BCAS3: variants seen among roughly 807,000 people sequenced by gnomAD.
BCAS3 encodes the protein BCAS3 microtubule associated cell migration factor.
A neutral mutation model predicts 116.1 loss-of-function variants in BCAS3; 53 were observed. That is an observed-to-expected ratio of 0.46 (90% CI 0.37 to 0.57). BCAS3 has a LOEUF of 0.57. Ranked by LOEUF, BCAS3 falls within the 20% of genes least tolerant of loss-of-function variation. BCAS3 has a pLI of 0.00. For missense variants in BCAS3, 917 were observed against 1,165.4 expected, an observed-to-expected ratio of 0.79 and a Z score of 3.10; for synonymous variants, 391 against 408.2, an observed-to-expected ratio of 0.96 and a Z score of 0.51.
At chr17:60,954,160 T>A (rs2060998566) in intron 14 of BCAS3, among the ~76,000 whole-genome samples, 1 of 152,188 alleles carries the variant, frequency 6.6e-6, no homozygotes, top group Admixed American at 6.5e-5. Context: ...TTGTTGAAGA[T>A]CAGATGGTTG....
rs1254129412 is a variant in BCAS3, at chr17:61,098,452, A to G, written c.2425+13888A>G. ...ATCCTGATATTTTGCCAAAGTTGTG[A>G]CTTTAATATTCTGTGGCTTGTAATT... On this transcript the variant is annotated intron_variant, in intron 22 of 23. Coordinates refer to ENST00000407086, the MANE Select transcript of BCAS3 (RefSeq NM_017679.5). This position sits in a 1 kb window ranked among gnomAD's most constrained non-coding sequence, Gnocchi z 4.2. Among the ~76,000 whole-genome samples, 1 of 152,158 alleles carries G rather than the reference A, an allele frequency of 6.6e-6. No individual in the cohort carries two copies. The highest frequency in any genetic ancestry group is 1.5e-5 in the Non-Finnish European group (1 of 68,028).
chr17:60,703,512 A>G (rs561736968), intron 4 of BCAS3, among the ~76,000 whole-genome samples: 32 of 152,036 alleles, frequency 2.1e-4, no homozygotes, highest in Middle Eastern at 3.4e-3. Flanking sequence ...CAGTGAGCTG[A>G]GATAGCACAT....
chr17:61,187,138 T>C (rs2079829381), intron 22 of BCAS3, among the ~76,000 whole-genome samples: 1 of 152,214 alleles, frequency 6.6e-6, no homozygotes, highest in Non-Finnish European at 1.5e-5. Flanking sequence ...ACATGTTATT[T>C]TTATTGAGTC....
At position 61,348,192 on chromosome 17, in the gene BCAS3, C is replaced by G. The variant is rs1333505959; in HGVS notation, c.2426-20135C>G. On this transcript the variant is annotated intron_variant, in intron 22 of 23. Transcript: ENST00000407086. This position sits in a 1 kb window ranked among gnomAD's most constrained non-coding sequence, Gnocchi z 4.5. ...TGGGAAGTAAAATCCACAGGACTTACTGGTCAGCTGGATGGACGGGCGATG... is the reference window on the plus strand; with the variant it reads ...TGGGAAGTAAAATCCACAGGACTTAGTGGTCAGCTGGATGGACGGGCGATG... Among the ~76,000 whole-genome samples the G allele has an allele frequency of 2.0e-5, 3 of 152,152 alleles. No individual in the cohort carries two copies. Among genetic ancestry groups the G allele is most frequent in the Non-Finnish European group, 4.4e-5 (3 of 68,042 alleles).
chr17:61,221,080 C>A (rs190874229), intron 22 of BCAS3, among the ~76,000 whole-genome samples: 353 of 152,300 alleles, frequency 2.3e-3, no homozygotes, highest in Non-Finnish European at 3.9e-3. Flanking sequence ...AGCCTGGTGA[C>A]AGAGTGAGAC....
chr17:60,855,926 G>T (rs913014152), intron 7 of BCAS3, among the ~76,000 whole-genome samples: 12 of 152,090 alleles, frequency 7.9e-5, no homozygotes, highest in Non-Finnish European at 1.5e-4. Flanking sequence ...AAGTGATCCC[G>T]CCTGCCTTGG....
chr17:60,777,703 A>C (rs1194900575), intron 6 of BCAS3, among the ~76,000 whole-genome samples: 1 of 152,044 alleles, frequency 6.6e-6, no homozygotes, highest in Non-Finnish European at 1.5e-5. Flanking sequence ...TGTGGCATTC[A>C]CTTTTCAATC....
intron 7 of BCAS3, among the ~76,000 whole-genome samples, chr17:60,823,940 A>T (rs537434340): frequency 3.9e-5 from 6 of 152,296 alleles, no homozygotes; most frequent in African/African-American, 1.4e-4. Flanking sequence ...CTGATATTGA[A>T]TGTCCCCCTG....
chr17:61,219,446 T>C lies in BCAS3; in HGVS notation c.2425+134882T>C, dbSNP rs1209979493. On this transcript the variant is annotated intron_variant, in intron 22 of 23. Transcript: ENST00000407086. The surrounding 1 kb of genome is among the most constrained non-coding windows in gnomAD (Gnocchi z 5.2). Reference sequence around the variant, plus strand: ...TTGACTTGGTCTCTGTGTGCCCATATTACTGGTGCTGCCAGCTCAGGGAGT... The same window carrying C: ...TTGACTTGGTCTCTGTGTGCCCATACTACTGGTGCTGCCAGCTCAGGGAGT... 6.6e-6 allele frequency among the ~76,000 whole-genome samples: 1 copy of C among 152,248 alleles called. No homozygotes were observed. Among genetic ancestry groups the C allele is most frequent in the Non-Finnish European group, 1.5e-5 (1 of 68,044 alleles).
chr17:60,869,346 GC>G, intron 8 of BCAS3, among the ~76,000 whole-genome samples: 1 of 152,146 alleles, frequency 6.6e-6, no homozygotes. Context: ...GCAAACTGAA[GC>G]CCTGGGATGG....
rs942119888 is a variant in BCAS3, at chr17:60,993,105, G to C, written c.1486+2870G>C. On this transcript the variant is annotated intron_variant, in intron 15 of 23. Transcript: ENST00000407086. This position sits in a 1 kb window ranked among gnomAD's most constrained non-coding sequence, Gnocchi z 4.2. ...ACAGCAAACCACATAAGAGGTTTTT[G>C]TGTTAAGATTCAAGCATAATGTGCA... is the stretch of plus-strand genomic sequence containing the variant. Among the ~76,000 whole-genome samples, 1 of 152,102 alleles carries C rather than the reference G, an allele frequency of 6.6e-6. No individual in the cohort carries two copies. The highest frequency in any genetic ancestry group is 6.6e-5 in the Admixed American group (1 of 15,266).
chr17:61,277,410 G>A (rs530609783), intron 22 of BCAS3, among the ~76,000 whole-genome samples: 3 of 152,088 alleles, frequency 2.0e-5, no homozygotes, highest in Non-Finnish European at 4.4e-5. Flanking sequence ...GAAAACATAT[G>A]AGTAAATCTT....
In BCAS3 at chr17:61,309,135, G is replaced by A. The variant is rs1414743077; in HGVS notation, c.2426-59192G>A. Reference sequence around the variant, plus strand: ...AGTTCCCTACCTCCATGCCCGTCAAGGAGTAATACTTTTTTCAGCCTTGGG... The same window carrying A: ...AGTTCCCTACCTCCATGCCCGTCAAAGAGTAATACTTTTTTCAGCCTTGGG... On this transcript the variant is annotated intron_variant, in intron 22 of 23. Transcript: ENST00000407086. This position sits in a 1 kb window ranked among gnomAD's most constrained non-coding sequence, Gnocchi z 4.6. Among the ~76,000 whole-genome samples the A allele has an allele frequency of 7.9e-6, 1 of 125,954 alleles. No individual in the cohort carries two copies. Among genetic ancestry groups the A allele is most frequent in the Non-Finnish European group, 1.5e-5 (1 of 66,284 alleles). 82.6% of individuals were successfully genotyped at this position (125,954 alleles called of 152,430 possible).
At chr17:60,765,041 TG>T (rs1406680843) in intron 6 of BCAS3, among the ~76,000 whole-genome samples, 1 of 152,156 alleles carries the variant, frequency 6.6e-6, no homozygotes, top group African/African-American at 2.4e-5. Flanking sequence ...TCCATTTGCT[TG>T]GTAGAACTTC....
At chr17:60,691,564 C>T (rs2034828288) in intron 4 of BCAS3, among the ~76,000 whole-genome samples, 1 of 152,060 alleles carries the variant, frequency 6.6e-6, no homozygotes, top group African/African-American at 2.4e-5. Flanking sequence ...TCTTCATGTC[C>T]ATTGCCCATT....
At chr17:60,726,563 G>A (rs1479666844) in intron 5 of BCAS3, among the ~76,000 whole-genome samples, 1 of 149,700 alleles carries the variant, frequency 6.7e-6, no homozygotes. Flanking sequence ...AGGCTGGAGT[G>A]CAATGGTGCG....
At position 61,380,178 on chromosome 17, in the gene BCAS3, G is replaced by A. The variant is rs745582464; in HGVS notation, c.2593+11684G>A. Reference sequence around the variant, plus strand: ...CTAAATCCACGGAAGCTGAGAGGAGGAAGAAAATCTGAGGGGTTACCCAGG... The same window carrying A: ...CTAAATCCACGGAAGCTGAGAGGAGAAAGAAAATCTGAGGGGTTACCCAGG... On this transcript the variant is annotated intron_variant, in intron 23 of 23. Coordinates refer to ENST00000407086, the MANE Select transcript of BCAS3 (RefSeq NM_017679.5). The surrounding 1 kb of genome is among the most constrained non-coding windows in gnomAD (Gnocchi z 4.2). 56 of 313,122 alleles carry A rather than the reference G, an allele frequency of 1.8e-4. No homozygotes were observed. The highest frequency in any genetic ancestry group is 3.1e-4 in the Admixed American group (7 of 22,380). The allele number at this position is 313,122 out of a possible 1,614,324, so 19.4% of individuals were successfully genotyped here. A position where few individuals can be genotyped will look rare whatever the true frequency, so the allele number is the denominator to read the frequency against.
At chr17:61,272,323 T>G (rs1026682817) in intron 22 of BCAS3, among the ~76,000 whole-genome samples, 5 of 152,064 alleles carry the variant, frequency 3.3e-5, no homozygotes, top group Non-Finnish European at 5.9e-5. Context: ...TTATGGTGTT[T>G]GTGAGTGTTT....
intron 4 of BCAS3, among the ~76,000 whole-genome samples, chr17:60,700,461 G>A (rs949398275): frequency 6.6e-6 from 1 of 152,182 alleles, no homozygotes. Context: ...CATGATCTTT[G>A]AGTGGAGTTT....
Sources: allele counts gnomAD v4.1 joint callset (sites outside exome capture counted in the v4.1 genomes callset), GRCh38; gene constraint gnomAD v4.1.1; non-coding constraint Gnocchi (gnomAD v3.1); transcripts MANE v1.5; gene names NCBI Gene and HGNC (gene_info 2026-07-23, HGNC 2026-07-21).